Variants in CWF19L2 observed in about 807,000 individuals in gnomAD.
The protein encoded by CWF19L2 is CWF19 like cell cycle control factor 2.
In CWF19L2, 98 loss-of-function variants were observed where a neutral mutation model predicts 111.7. The observed-to-expected ratio is 0.88, with a 90% CI of 0.75 to 1.04. The LOEUF is 1.04. Ranked by LOEUF, CWF19L2 falls within the 50% of genes least tolerant of loss-of-function variation. The pLI is 0.00. For synonymous variants in CWF19L2, 351 were observed against 342.9 expected (o/e 1.02, Z -0.26); for missense variants, 1,101 against 1,051.4 (o/e 1.05, Z -0.65).
chr11:107,439,137 C>G lies in CWF19L2; in HGVS notation c.617G>C (p.Gly206Ala). The change falls in exon 6 of 18, where the codon GGG becomes GCG. Residue 206 changes from glycine to alanine, a missense_variant. By Grantham distance (60) the Gly-to-Ala change is moderately conservative. Transcript: ENST00000282251. ...ACAGTCTTCAGGTGGAAGACCTGTC[C>G]CACCATCCTTCCAGTACGGATTCAA... ...RELNPYWKDG[G>A]TGLPPEDCSV... 1 of 1,610,010 alleles carries G rather than the reference C, an allele frequency of 6.2e-7. No homozygotes were observed. The highest frequency in any genetic ancestry group is 1.1e-5 in the South Asian group (1 of 90,730).
intron 17 of CWF19L2, among the ~76,000 whole-genome samples, chr11:107,327,753 G>T (rs1183897077): frequency 6.6e-6 from 1 of 152,090 alleles, no homozygotes; most frequent in South Asian, 2.1e-4. Flanking sequence ...AGAAAGACAT[G>T]GGGGAGCCTC....
intron 12 of CWF19L2, among the ~76,000 whole-genome samples, chr11:107,378,293 T>C (rs1386337343): frequency 6.7e-6 from 1 of 150,062 alleles, no homozygotes; most frequent in African/African-American, 2.5e-5. Context: ...CTATAAATCA[T>C]GCTGCTATAA....
intron 12 of CWF19L2, among the ~76,000 whole-genome samples, chr11:107,365,504 G>T (rs1330805355): frequency 1.0e-4 from 9 of 88,888 alleles, no homozygotes; most frequent in African/African-American, 5.3e-4. Context: ...TCCCTGGGAT[G>T]CAAGGCTGGT....
intron 3 of CWF19L2, among the ~76,000 whole-genome samples, chr11:107,453,434 G>A (rs138156045): frequency 1.3e-5 from 2 of 152,036 alleles, no homozygotes; most frequent in South Asian, 2.1e-4. Context: ...GGAGAGGAGA[G>A]AGAAGAGTAA....
intron 10 of CWF19L2, among the ~76,000 whole-genome samples, chr11:107,415,775 A>C (rs988889005): frequency 3.9e-5 from 6 of 152,176 alleles, no homozygotes; most frequent in Non-Finnish European, 2.9e-5. Context: ...ACACACAGAC[A>C]CATATACAGA....
At chr11:107,414,646 T>A (rs539767518) in intron 10 of CWF19L2, among the ~76,000 whole-genome samples, 21 of 152,106 alleles carry the variant, frequency 1.4e-4, no homozygotes, top group Non-Finnish European at 1.0e-4. Context: ...AACCTCTGAT[T>A]TGCCCCAAAA....
In CWF19L2 at chr11:107,439,114, A is replaced by C; in HGVS notation, c.640T>G (p.Cys214Gly). Residue 214 changes from cysteine (C) to glycine (G), a missense_variant, in exon 6 of 18, where the codon TGT (cysteine) becomes GGT (glycine). By Grantham distance (159) the Cys-to-Gly change is radical. Transcript: ENST00000282251. ...CCTTTAGTAATCGATGACACACTACAGTCTTCAGGTGGAAGACCTGTCCCA... is the reference window on the plus strand; with the variant it reads ...CCTTTAGTAATCGATGACACACTACCGTCTTCAGGTGGAAGACCTGTCCCA... The part of the protein sequence containing the change: ...DGGTGLPPED[C>G]SVSSITKVSV... 1 of 1,598,980 alleles carries C rather than the reference A, an allele frequency of 6.3e-7. No homozygotes were observed. Among genetic ancestry groups the C allele is most frequent in the Non-Finnish European group, 8.6e-7 (1 of 1,167,880 alleles).
intron 7 of CWF19L2, among the ~76,000 whole-genome samples, chr11:107,430,303 T>A (rs1055613026): frequency 2.0e-5 from 3 of 151,304 alleles, no homozygotes; most frequent in Non-Finnish European, 2.9e-5. Flanking sequence ...TAACAAATTA[T>A]CCACAAAGGA....
chr11:107,383,907 C>A (rs1046507125), intron 12 of CWF19L2, among the ~76,000 whole-genome samples: 1 of 152,152 alleles, frequency 6.6e-6, no homozygotes. Context: ...GGTGTTACTT[C>A]CAAAAGACTT....
At position 107,455,967 on chromosome 11, in the gene CWF19L2, A is replaced by C. The variant is rs75192977; in HGVS notation, c.106-191T>G. On this transcript the variant is annotated intron_variant, in intron 1 of 17. Coordinates refer to ENST00000282251, the MANE Select transcript of CWF19L2 (RefSeq NM_152434.3). ...ATAAATAAATAAACAAAACAAAGCA[A>C]AAATCTCTCCTTCTGCATTTCCAAT... Among the ~76,000 whole-genome samples, 1,491 of 152,322 alleles carry C rather than the reference A, an allele frequency of 9.8e-3. 21 individuals are homozygous for C. Among genetic ancestry groups the C allele is most frequent in the African/African-American group, 0.034 (1,411 of 41,566 alleles).
chr11:107,413,062 A>G (rs1272209583), intron 10 of CWF19L2, among the ~76,000 whole-genome samples: 2 of 152,226 alleles, frequency 1.3e-5, no homozygotes, highest in African/African-American at 4.8e-5. Context: ...ATGTCATTAC[A>G]CATTTATTCA....
rs777431835 is a variant in CWF19L2, at chr11:107,334,874, T to C, written c.2439+7A>G. The C allele has an allele frequency of 1.3e-6, 2 of 1,545,978 alleles. No homozygotes were observed. The highest frequency in any genetic ancestry group is 2.3e-5 in the East Asian group (1 of 44,428). On this transcript the variant is annotated splice_region_variant and intron_variant, in intron 16 of 17. Coordinates refer to ENST00000282251, the MANE Select transcript of CWF19L2 (RefSeq NM_152434.3). ...TAATTTCTTTTACCAGGAAAAAACATACTTACAGACTTTCTGATATCTTTT... is the reference window on the plus strand; with the variant it reads ...TAATTTCTTTTACCAGGAAAAAACACACTTACAGACTTTCTGATATCTTTT...
intron 17 of CWF19L2, among the ~76,000 whole-genome samples, chr11:107,327,807 CA>C (rs1171964652): frequency 1.3e-5 from 2 of 151,718 alleles, no homozygotes; most frequent in Non-Finnish European, 2.9e-5. Flanking sequence ...GGTAACAAAG[CA>C]AAAAACAAAA....
At chr11:107,391,333 T>G (rs1860844198) in intron 11 of CWF19L2, among the ~76,000 whole-genome samples, 1 of 152,178 alleles carries the variant, frequency 6.6e-6, no homozygotes, top group African/African-American at 2.4e-5. Context: ...TTCTCTGCCA[T>G]TTGAGGATAC....
intron 10 of CWF19L2, among the ~76,000 whole-genome samples, chr11:107,412,345 T>G (rs1472456519): frequency 6.6e-6 from 1 of 152,054 alleles, no homozygotes; most frequent in African/African-American, 2.4e-5. Flanking sequence ...GTTTTTTGGG[T>G]TTTTTTGTTT....
At chr11:107,344,728 CT>C (rs1258865955) in intron 14 of CWF19L2, among the ~76,000 whole-genome samples, 2 of 152,038 alleles carry the variant, frequency 1.3e-5, no homozygotes, top group African/African-American at 4.8e-5. Context: ...TATTGATTAC[CT>C]TTTTCAACCT....
rs998538058 is a variant in CWF19L2 at position 107,364,245 on chromosome 11, T to G, written c.1873-10509A>C. Among the ~76,000 whole-genome samples, 14 of 143,880 alleles carry G rather than the reference T, an allele frequency of 9.7e-5. 1 individual carries two copies. The highest frequency in any genetic ancestry group is 3.7e-4 in the African/African-American group (14 of 37,442). 94.4% of individuals were successfully genotyped at this position (143,880 alleles called of 152,430 possible). A position where few individuals can be genotyped will look rare whatever the true frequency, so the allele number is the denominator to read the frequency against. On this transcript the variant is annotated intron_variant, in intron 12 of 17. Coordinates refer to ENST00000282251, the MANE Select transcript of CWF19L2 (RefSeq NM_152434.3). ...AATGGGAGACTTTAACACCCCACTG[T>G]CAACATTAGACAGATCAACGAGACA...
At chr11:107,371,079 T>C (rs1860503161) in intron 12 of CWF19L2, among the ~76,000 whole-genome samples, 1 of 124,444 alleles carries the variant, frequency 8.0e-6, no homozygotes, top group Non-Finnish European at 1.7e-5. Flanking sequence ...AGTGGTGCGA[T>C]CTCGGCTCAC....
chr11:107,360,262 T>A (rs1860305301), intron 12 of CWF19L2, among the ~76,000 whole-genome samples: 1 of 152,200 alleles, frequency 6.6e-6, no homozygotes, highest in South Asian at 2.1e-4. Flanking sequence ...ACTTCCAGAT[T>A]CATTTATGTT....
Sources: gnomAD v4.1 joint callset for allele counts (sites outside exome capture counted in the v4.1 genomes callset) on GRCh38, gnomAD v4.1.1 for gene constraint, MANE v1.5 for transcripts, NCBI Gene and HGNC (gene_info 2026-07-23, HGNC 2026-07-21) for gene names.